The following AZIN1 variants were observed in gnomAD, a reference collection of about 807,000 sequenced individuals.
The protein encoded by AZIN1 is antizyme inhibitor 1, also known as ornithine decarboxylase antizyme inhibitor.
A neutral mutation model predicts 47.4 loss-of-function variants in AZIN1; 12 were observed. The observed-to-expected ratio is 0.25, with a 90% CI of 0.16 to 0.41. The LOEUF is 0.41. Ranked by LOEUF, AZIN1 falls within the 10% of genes least tolerant of loss-of-function variation. The pLI, the probability that AZIN1 is intolerant of heterozygous loss-of-function variation, is 1.00. For missense variants in AZIN1, 410 were observed against 532.4 expected (o/e 0.77, Z 2.26); for synonymous variants, 155 against 176.3 (o/e 0.88, Z 0.96).
In AZIN1 at chr8:102,829,442, A is replaced by T; in HGVS notation, c.1065T>A (p.Gly355=). 1.2e-6 allele frequency: 2 copies of T among 1,613,976 alleles called. No homozygotes were observed. Among genetic ancestry groups the T allele is most frequent in the Non-Finnish European group, 1.7e-6 (2 of 1,179,896 alleles). The change falls in exon 11 of 12, where the codon GGT becomes GGA. Residue 355 remains glycine (G), a synonymous_variant. Coordinates refer to ENST00000337198, the MANE Select transcript of AZIN1 (RefSeq NM_148174.4). ...DEPLFTSSLW[G]PSCDELDQIV... ...TTTGATCAAGCTCATCACAGGATGG[A>T]CCCCAAAGGCTGCTTGTAAACAGAG... is the stretch of plus-strand genomic sequence containing the variant.
At position 102,839,721 on chromosome 8, in the gene AZIN1, T is replaced by G. The variant is rs1812055435; in HGVS notation, c.205A>C (p.Lys69Gln). 1 of 1,609,918 alleles carries G rather than the reference T, an allele frequency of 6.2e-7. No homozygotes were observed. Among genetic ancestry groups the G allele is most frequent in the Non-Finnish European group, 8.5e-7 (1 of 1,177,752 alleles). ...AGTACAGCTGGAGCAGAGTTGCACTTCACTGTGTAGAATGGCTTTATCTGA... is the reference window on the plus strand; with the variant it reads ...AGTACAGCTGGAGCAGAGTTGCACTGCACTGTGTAGAATGGCTTTATCTGA... ...VAQIKPFYTV[K>Q]CNSAPAVLEI... is the part of the protein sequence containing the mutation. The change falls in exon 4 of 12, where the codon AAG becomes CAG. Residue 69 changes from lysine to glutamine, a missense_variant. Physicochemically the swap from Lys to Gln is moderately conservative, Grantham distance 53. This residue lies in a region of AZIN1 where 237 missense variants were observed against 309.4 expected (regional missense o/e 0.77). Coordinates refer to ENST00000337198, the MANE Select transcript of AZIN1 (RefSeq NM_148174.4).
intron 1 of AZIN1, among the ~76,000 whole-genome samples, 173 bp downstream of exon 1, chr8:102,863,634 C>T (rs1219818317): frequency 6.7e-6 from 1 of 149,358 alleles, no homozygotes; most frequent in Non-Finnish European, 1.5e-5. Flanking sequence ...GCCCCGCCGC[C>T]GCCGCCGCCG....
intron 5 of AZIN1, 116 bp from the exon 6 acceptor site, chr8:102,836,506 G>A (rs1811833442): frequency 3.5e-6 from 4 of 1,133,192 alleles, no homozygotes; most frequent in South Asian, 1.5e-5. Context: ...CAAATCCAGC[G>A]ACGGATGAAT....
rs1062048 is a variant in AZIN1 at position 102,838,824 on chromosome 8, T to C, written c.369A>G (p.Ala123=). ...TCAGGATATTCACTCCAACTTTTGCTGCATACTTTATCTGAGACACTTGCT... is the reference window on the plus strand; with the variant it reads ...TCAGGATATTCACTCCAACTTTTGCCGCATACTTTATCTGAGACACTTGCT... ...PCKQVSQIKY[A]AKVGVNILTC... is the part of the protein sequence containing the mutation. Residue 123 remains alanine (A), a synonymous_variant, in exon 5 of 12, where the codon GCA becomes GCG. Transcript: ENST00000337198. 411,483 of 1,612,758 alleles carry C rather than the reference T, an allele frequency of 0.26. 55,038 individuals carry two copies. The highest frequency in any genetic ancestry group is 0.38 in the South Asian group (34,121 of 90,860).
intron 2 of AZIN1, among the ~76,000 whole-genome samples, chr8:102,852,327 G>A (rs1388816693): frequency 6.6e-6 from 1 of 152,176 alleles, no homozygotes; most frequent in Non-Finnish European, 1.5e-5. Context: ...TGTAATCCCA[G>A]CACTTTGGGA....
At chr8:102,833,698 G>A (rs1446741824) in intron 8 of AZIN1, among the ~76,000 whole-genome samples, 3 of 151,598 alleles carry the variant, frequency 2.0e-5, no homozygotes, top group African/African-American at 4.9e-5. Flanking sequence ...GGGGACAGGA[G>A]GATCATTTGA....
At chr8:102,855,747 T>C (rs760982288) in intron 2 of AZIN1, 10 of 152,232 alleles carry the variant, frequency 6.6e-5, no homozygotes, top group Non-Finnish European at 1.5e-5. Flanking sequence ...ATTGTTGATC[T>C]ACAGAAAATT....
Position 102,838,890 on chromosome 8 carries a change from C to G in AZIN1, c.303G>C (p.Leu101Phe), listed in dbSNP as rs1027836651. ...SKNEMALVQE[L>F]GVPPENIIYI... ...AAATAATGTTTTCTGGAGGTACACCCAACTCTTGCACTAAAGCCATTTCAT... is the reference window on the plus strand; with the variant it reads ...AAATAATGTTTTCTGGAGGTACACCGAACTCTTGCACTAAAGCCATTTCAT... Residue 101 changes from leucine (L) to phenylalanine (F), a missense_variant, in exon 5 of 12, where the codon TTG becomes TTC. Physicochemically the swap from Leu to Phe is conservative, Grantham distance 22 (BLOSUM62 0). Transcript: ENST00000337198. The G allele has an allele frequency of 6.2e-7, 1 of 1,612,316 alleles. No homozygotes were observed.
chr8:102,829,628 G>T, intron 10 of AZIN1, 142 bp from the exon 11 acceptor site: 2 of 876,662 alleles, frequency 2.3e-6, no homozygotes, highest in Non-Finnish European at 3.5e-6. Context: ...TGCTACTTAA[G>T]CCTCGATGGT....
At chr8:102,839,891 G>GA in intron 3 of AZIN1, 68 bp from the exon 4 acceptor site, 1 of 1,143,824 alleles carries the variant, frequency 8.7e-7, no homozygotes. Flanking sequence ...ATCAAAACAG[G>GA]AAAGAACACC....
chr8:102,858,716 CAT>C (rs1813444684), intron 1 of AZIN1, among the ~76,000 whole-genome samples: 3 of 152,126 alleles, frequency 2.0e-5, no homozygotes. Flanking sequence ...TTTTGAAAAA[CAT>C]AAAATAACTT....
At chr8:102,836,169 G>T in intron 6 of AZIN1, 87 bp downstream of exon 6, 1 of 1,374,624 alleles carries the variant, frequency 7.3e-7, no homozygotes. Context: ...TAGATTTCAT[G>T]CAAATAAAGT....
At chr8:102,838,301 C>T (rs532252577) in intron 5 of AZIN1, among the ~76,000 whole-genome samples, 10 of 152,278 alleles carry the variant, frequency 6.6e-5, no homozygotes, top group Non-Finnish European at 1.0e-4. Flanking sequence ...ATGGTCTAGG[C>T]TTCGAAGACA....
At position 102,834,198 on chromosome 8, in the gene AZIN1, T is replaced by C. The variant is rs147507945; in HGVS notation, c.732A>G (p.Gln244=). The C allele has an allele frequency of 1.4e-5, 23 of 1,612,518 alleles. No homozygotes were observed. Among genetic ancestry groups the C allele is most frequent in the Middle Eastern group, 3.3e-4 (2 of 6,078 alleles). ...IGGGFTGTEF[Q]LEEVNHVISP... ...CTACTGAGAAGTTTACCTCTTCCAATTGAAATTCAGTTCCCGTGAATCCTC... is the reference window on the plus strand; with the variant it reads ...CTACTGAGAAGTTTACCTCTTCCAACTGAAATTCAGTTCCCGTGAATCCTC... Residue 244 remains glutamine, a synonymous_variant, in exon 8 of 12, where the codon CAA becomes CAG. Coordinates refer to ENST00000337198, the MANE Select transcript of AZIN1 (RefSeq NM_148174.4).
intron 8 of AZIN1, among the ~76,000 whole-genome samples, chr8:102,833,561 G>A (rs1322349161): frequency 6.6e-6 from 1 of 151,788 alleles, no homozygotes; most frequent in African/African-American, 2.4e-5. Flanking sequence ...CAGAAGGAAG[G>A]AGGGCAGAGC....
intron 2 of AZIN1, among the ~76,000 whole-genome samples, chr8:102,846,540 A>G (rs147267608): frequency 6.6e-5 from 10 of 152,310 alleles, no homozygotes; most frequent in African/African-American, 2.4e-4. Context: ...GGAATAGAAT[A>G]ATTAAGTAGG....
intron 2 of AZIN1, 43 bp from the exon 3 acceptor site, chr8:102,843,790 A>T: frequency 7.5e-7 from 1 of 1,326,710 alleles, no homozygotes; most frequent in Non-Finnish European, 9.9e-7. Context: ...TTATTTCAAT[A>T]GACATAATGT....
chr8:102,844,550 C>A (rs948488947), intron 2 of AZIN1, among the ~76,000 whole-genome samples: 1 of 151,874 alleles, frequency 6.6e-6, no homozygotes, highest in Admixed American at 6.6e-5. Context: ...AAGACCTCGT[C>A]CTGGCTATAT....
chr8:102,830,664 A>G (rs1191587837), intron 9 of AZIN1, among the ~76,000 whole-genome samples: 1 of 62,116 alleles, frequency 1.6e-5, no homozygotes, highest in Non-Finnish European at 4.5e-5. Context: ...AAAAAAAAAG[A>G]AAAGAAAAAG....
Sources: gnomAD v4.1 joint callset for allele counts (sites outside exome capture counted in the v4.1 genomes callset) on GRCh38, gnomAD v4.1.1 for gene constraint, gnomAD v4.1.1 regional missense constraint, MANE v1.5 for transcripts, NCBI Gene and HGNC (gene_info 2026-07-23, HGNC 2026-07-21) for gene names.